The following FOXO3 variants were observed in gnomAD, a reference collection of about 807,000 sequenced individuals.
FOXO3 encodes forkhead box protein O3.
FOXO3 carries 4 observed loss-of-function variants against 41.9 expected under a neutral mutation model. That is an observed-to-expected ratio of 0.10 (90% CI 0.05 to 0.22). FOXO3 has a LOEUF of 0.22. FOXO3 is among the 10% of genes least tolerant of loss of function. The pLI is 1.00. For missense variants in FOXO3, 534 were observed against 906.8 expected (o/e 0.59, Z 5.28); for synonymous variants, 318 against 389.3 (o/e 0.82, Z 2.16).
intron 1 of FOXO3, among the ~76,000 whole-genome samples, chr6:108,583,119 C>T (rs1776476271): frequency 6.6e-6 from 1 of 152,168 alleles, no homozygotes; most frequent in Admixed American, 6.6e-5. Flanking sequence ...CCGTGGTCAC[C>T]ACCATTCTTG....
rs142252424 is a variant in FOXO3 at position 108,598,315 on chromosome 6, T to C, written c.621+36486T>C. ...TCATCAACTTGAGTCACCTCAGCCCTAGAGGAGGAATGGATTAGCTGAATT... is the reference window on the plus strand; with the variant it reads ...TCATCAACTTGAGTCACCTCAGCCCCAGAGGAGGAATGGATTAGCTGAATT... On this transcript the variant is annotated intron_variant, in intron 1 of 2. Transcript: ENST00000406360. 4.3e-3 allele frequency among the ~76,000 whole-genome samples: 649 copies of C among 152,284 alleles called. 2 individuals carry two copies. The highest frequency in any genetic ancestry group is 0.01 in the Middle Eastern group (3 of 294).
intron 1 of FOXO3, among the ~76,000 whole-genome samples, chr6:108,565,447 G>C (rs1775924933): frequency 6.6e-6 from 1 of 152,176 alleles, no homozygotes. Context: ...AGTTCTCTCA[G>C]TTCCTCTTGT....
chr6:108,662,150 G>A (rs1276782577), intron 1 of FOXO3, among the ~76,000 whole-genome samples: 1 of 152,024 alleles, frequency 6.6e-6, no homozygotes, highest in East Asian at 1.9e-4. Context: ...ACTATTTTGA[G>A]AAGTACTGAC....
chr6:108,632,984 T>C (rs961869822), intron 1 of FOXO3, among the ~76,000 whole-genome samples: 6 of 152,156 alleles, frequency 3.9e-5, no homozygotes, highest in African/African-American at 1.4e-4. Context: ...ATTTTTTTTT[T>C]CCATAAGCAA....
chr6:108,574,525 T>C (rs1490783541), intron 1 of FOXO3, among the ~76,000 whole-genome samples: 5 of 152,206 alleles, frequency 3.3e-5, no homozygotes, highest in Non-Finnish European at 5.9e-5. Context: ...GAAGTTTTGC[T>C]GCCAAATCAG....
chr6:108,592,167 A>T (rs887864771), intron 1 of FOXO3, among the ~76,000 whole-genome samples: 1 of 152,230 alleles, frequency 6.6e-6, no homozygotes, highest in Admixed American at 6.5e-5. Flanking sequence ...GGAACTTTTC[A>T]GGGAAATATG....
At chr6:108,612,624 G>A (rs1777394334) in intron 1 of FOXO3, among the ~76,000 whole-genome samples, 1 of 151,740 alleles carries the variant, frequency 6.6e-6, no homozygotes. Context: ...AGGTTGCAGT[G>A]AGCCAAGATT....
chr6:108,618,306 C>T (rs932136932), intron 1 of FOXO3: 7 of 677,676 alleles, frequency 1.0e-5, no homozygotes, highest in Non-Finnish European at 1.9e-5. Flanking sequence ...GGTTTCTCCT[C>T]AGCTGCCGCT....
chr6:108,641,327 C>G (rs2087357345), intron 1 of FOXO3, among the ~76,000 whole-genome samples: 1 of 152,242 alleles, frequency 6.6e-6, no homozygotes, highest in Non-Finnish European at 1.5e-5. Flanking sequence ...GTACAGAACC[C>G]AAACATTCTT....
chr6:108,639,510 GA>G (rs1367319604), intron 1 of FOXO3: 1 of 984,230 alleles, frequency 1.0e-6, no homozygotes, highest in Admixed American at 6.2e-5. Flanking sequence ...TCCCTGGGAT[GA>G]AAAACCCTGC....
At chr6:108,622,526 TTTTTG>T (rs1250554213) in intron 1 of FOXO3, among the ~76,000 whole-genome samples, 9 of 152,124 alleles carry the variant, frequency 5.9e-5, no homozygotes, top group East Asian at 3.8e-4. Context: ...TTTTGGTGTT[TTTTTG>T]TTTTGTTTTA....
At chr6:108,599,385 T>A (rs1361220928) in intron 1 of FOXO3, among the ~76,000 whole-genome samples, 1 of 152,258 alleles carries the variant, frequency 6.6e-6, no homozygotes, top group Non-Finnish European at 1.5e-5. Context: ...TGTGGATTTA[T>A]ATTTTGAATA....
chr6:108,605,181 C>G (rs1777161523), intron 1 of FOXO3, among the ~76,000 whole-genome samples: 1 of 152,032 alleles, frequency 6.6e-6, no homozygotes, highest in Non-Finnish European at 1.5e-5. Context: ...TGCAGTGGCA[C>G]AATCTCAGCT....
chr6:108,646,839 T>C (rs1778404285), intron 1 of FOXO3, among the ~76,000 whole-genome samples: 1 of 152,238 alleles, frequency 6.6e-6, no homozygotes, highest in Admixed American at 6.5e-5. Context: ...TCATTTATGC[T>C]TTCGAGAAAA....
chr6:108,581,740 A>G (rs982251035), intron 1 of FOXO3, among the ~76,000 whole-genome samples: 6 of 152,188 alleles, frequency 3.9e-5, no homozygotes, highest in Admixed American at 1.3e-4. Context: ...CTTCTTTGTC[A>G]AGGTGAGAGA....
rs765294627 is a variant in FOXO3, at chr6:108,663,654, T to A, written c.821T>A (p.Leu274Gln). 6.8e-6 allele frequency: 11 copies of A among 1,613,136 alleles called. No homozygotes were observed. The highest frequency in any genetic ancestry group is 1.1e-5 in the South Asian group (1 of 91,004). Reference protein sequence around the residue: ...RGRAAKKKAALQTAPESADDS... With the variant: ...RGRAAKKKAAQQTAPESADDS... ...CGCGCAGCCAAGAAGAAGGCAGCCC[T>A]GCAGACAGCCCCCGAATCAGCTGAC... Residue 274 changes from leucine to glutamine, a missense_variant, in exon 2 of 3, where the codon CTG (leucine) becomes CAG (glutamine). Around this residue, in one of 8 missense-constraint regions of FOXO3, gnomAD observed 77 missense variants for 193.2 expected, o/e 0.40. Coordinates refer to ENST00000406360, the MANE Select transcript of FOXO3 (RefSeq NM_001455.4).
At chr6:108,618,820 TCTC>T (rs1443846918) in intron 1 of FOXO3, among the ~76,000 whole-genome samples, 3 of 152,292 alleles carry the variant, frequency 2.0e-5, no homozygotes, top group South Asian at 4.1e-4. Flanking sequence ...GCTGCTCTCT[TCTC>T]CTGGGTGTTC....
chr6:108,581,450 T>C (rs1232803684), intron 1 of FOXO3, among the ~76,000 whole-genome samples: 9 of 152,138 alleles, frequency 5.9e-5, no homozygotes, highest in Non-Finnish European at 1.2e-4. Flanking sequence ...CGTTACAAAA[T>C]TTCTTCAAAG....
At chr6:108,656,974 A>G (rs894704561) in intron 1 of FOXO3, among the ~76,000 whole-genome samples, 4 of 152,254 alleles carry the variant, frequency 2.6e-5, no homozygotes, top group African/African-American at 9.6e-5. Context: ...ATCTCTAGGC[A>G]GCAGGACTGT....
Sources: gnomAD v4.1 joint callset for allele counts (sites outside exome capture counted in the v4.1 genomes callset) on GRCh38, gnomAD v4.1.1 for gene constraint, gnomAD v4.1.1 regional missense constraint, MANE v1.5 for transcripts, NCBI Gene and HGNC (gene_info 2026-07-23, HGNC 2026-07-21) for gene names.